LRGUK: variants seen among roughly 807,000 people sequenced by gnomAD.
The protein encoded by LRGUK is leucine-rich repeat and guanylate kinase domain-containing protein.
In LRGUK, 65 loss-of-function variants were observed where a neutral mutation model predicts 76.0. That is an observed-to-expected ratio of 0.85 (90% confidence interval 0.70 to 1.05). The LOEUF is 1.05. Among genes scored for constraint, LRGUK ranks in the 50% least tolerant of loss-of-function variants. The probability of loss-of-function intolerance (pLI) is 0.00; values close to 1 mark genes in which losing one functional copy is unlikely to be tolerated. For synonymous variants in LRGUK, 268 were observed against 265.6 expected (o/e 1.01, Z -0.09); for missense variants, 758 against 732.8 (o/e 1.03, Z -0.40).
chr7:134,181,050 C>T (rs529355696), intron 10 of LRGUK, among the ~76,000 whole-genome samples: 5 of 152,220 alleles, frequency 3.3e-5, no homozygotes, highest in South Asian at 2.1e-4. Flanking sequence ...CATCACATAC[C>T]GTGCTTTCTC....
At chr7:134,222,497 G>C (rs1801625465) in intron 16 of LRGUK, among the ~76,000 whole-genome samples, 1 of 152,166 alleles carries the variant, frequency 6.6e-6, no homozygotes, top group African/African-American at 2.4e-5. Flanking sequence ...AATACAAAGA[G>C]ACTTAATTGC....
intron 19 of LRGUK, among the ~76,000 whole-genome samples, 181 bp from the exon 20 acceptor site, chr7:134,263,664 C>G (rs1306727710): frequency 7.1e-6 from 1 of 140,660 alleles, no homozygotes; most frequent in Non-Finnish European, 1.5e-5. Context: ...GATCCACTCA[C>G]TTGGCCTCCC....
intron 3 of LRGUK, among the ~76,000 whole-genome samples, chr7:134,140,669 C>G (rs975962744): frequency 2.0e-5 from 3 of 150,292 alleles, no homozygotes; most frequent in Non-Finnish European, 4.4e-5. Flanking sequence ...TATGTCTTCT[C>G]TGTTTGATTC....
chr7:134,152,833 A>G (rs905205407), intron 5 of LRGUK, among the ~76,000 whole-genome samples: 1 of 152,096 alleles, frequency 6.6e-6, no homozygotes, highest in African/African-American at 2.4e-5. Flanking sequence ...CCAAACACAC[A>G]TTCATAAGAG....
chr7:134,275,450 A>G, the LRGUK span, among the ~76,000 whole-genome samples: 1 of 152,142 alleles, frequency 6.6e-6, no homozygotes, highest in Non-Finnish European at 1.5e-5. Flanking sequence ...AGCAGGAGAG[A>G]TGAGAGGTGA....
chr7:134,222,453 T>C (rs2056669553), intron 16 of LRGUK, among the ~76,000 whole-genome samples: 1 of 152,236 alleles, frequency 6.6e-6, no homozygotes, highest in Admixed American at 6.5e-5. Context: ...GTACTTGTTT[T>C]CCATCTGTAA....
At chr7:134,184,183 C>T (rs532766536) in intron 11 of LRGUK, among the ~76,000 whole-genome samples, 72 of 152,104 alleles carry the variant, frequency 4.7e-4, no homozygotes, top group Admixed American at 1.1e-3. Context: ...CCATTCTAAT[C>T]GATATGGTAA....
chr7:134,275,201 C>A, the LRGUK span, among the ~76,000 whole-genome samples: 2 of 152,014 alleles, frequency 1.3e-5, no homozygotes, highest in East Asian at 3.8e-4. Context: ...TTTATAGAAT[C>A]TCATCTCCAT....
intron 7 of LRGUK, among the ~76,000 whole-genome samples, chr7:134,167,562 C>T (rs1223381203): frequency 1.3e-5 from 2 of 152,148 alleles, no homozygotes; most frequent in East Asian, 1.9e-4. Context: ...AGGCCAGCTA[C>T]GCAGGACTGG....
intron 19 of LRGUK, among the ~76,000 whole-genome samples, chr7:134,263,399 TTCA>T (rs1287769950): frequency 1.7e-5 from 1 of 59,166 alleles, no homozygotes; most frequent in Non-Finnish European, 4.4e-5. Flanking sequence ...AGAACTTCAC[TTCA>T]CTGTGTGTGT....
At chr7:134,177,044 A>G in exon 9 of LRGUK, 1 of 1,599,082 alleles carries the variant, frequency 6.3e-7, no homozygotes, top group Admixed American at 1.7e-5. Context: ...GATCAGAAGA[A>G]GATTAAAGTG....
chr7:134,263,623 CTTT>C (rs59840547), intron 19 of LRGUK, among the ~76,000 whole-genome samples: 12 of 113,998 alleles, frequency 1.1e-4, no homozygotes, highest in Admixed American at 9.8e-5. Context: ...TCATTTCTTT[CTTT>C]TTTTTTTTTT....
intron 5 of LRGUK, among the ~76,000 whole-genome samples, chr7:134,152,660 G>A (rs549657018): frequency 2.0e-5 from 3 of 152,108 alleles, no homozygotes; most frequent in South Asian, 2.1e-4. Context: ...TTCAACCACC[G>A]TGGAAAACAA....
At chr7:134,137,539 ACT>A (rs1797587176) in intron 2 of LRGUK, among the ~76,000 whole-genome samples, 7 of 152,178 alleles carry the variant, frequency 4.6e-5, no homozygotes, top group Admixed American at 3.9e-4. Flanking sequence ...GACTTTCCCC[ACT>A]AAGTATGTCA....
chr7:134,234,358 T>C lies in LRGUK; in HGVS notation c.1983+12440T>C, dbSNP rs185233020. 2.6e-5 allele frequency among the ~76,000 whole-genome samples: 4 copies of C among 152,170 alleles called. No individual in the cohort carries two copies. In the East Asian group the frequency reaches 7.7e-4, roughly 29 times the overall value. Reference sequence around the variant, plus strand: ...GGTTTCCCAACATCTAGTGTGGTTGTCTGACCGCCTGCATGGCTTCAATAA... The same window carrying C: ...GGTTTCCCAACATCTAGTGTGGTTGCCTGACCGCCTGCATGGCTTCAATAA... On this transcript the variant is annotated intron_variant, in intron 16 of 19. Transcript: ENST00000285928.
chr7:134,255,803 C>G (rs1177595453), intron 18 of LRGUK, among the ~76,000 whole-genome samples: 1 of 152,048 alleles, frequency 6.6e-6, no homozygotes, highest in Admixed American at 6.6e-5. Context: ...AACTAGAAAT[C>G]TTTCCGTGTG....
chr7:134,209,209 C>A (rs1397527189), exon 16 of LRGUK: 4 of 398,886 alleles, frequency 1.0e-5, no homozygotes, highest in Non-Finnish European at 1.8e-5. Context: ...CCCAGGTAAC[C>A]CCTACTGGCC....
At chr7:134,166,303 C>A (rs1271787007) in intron 7 of LRGUK, among the ~76,000 whole-genome samples, 1 of 152,038 alleles carries the variant, frequency 6.6e-6, no homozygotes, top group Non-Finnish European at 1.5e-5. Context: ...TTCTTAAGGC[C>A]ACTTGAGAAT....
At chr7:134,175,478 G>A (rs1339581213) in intron 8 of LRGUK, among the ~76,000 whole-genome samples, 1 of 152,200 alleles carries the variant, frequency 6.6e-6, no homozygotes, top group African/African-American at 2.4e-5. Flanking sequence ...AAAGTAAGAG[G>A]CAGGGCTTAA....
Sources: allele counts gnomAD v4.1 joint callset (sites outside exome capture counted in the v4.1 genomes callset), GRCh38; gene constraint gnomAD v4.1.1; transcripts MANE v1.5; gene names NCBI Gene and HGNC (gene_info 2026-07-23, HGNC 2026-07-21).